TMEM126B: variants seen among roughly 807,000 people sequenced by gnomAD.
TMEM126B encodes complex I assembly factor TMEM126B, mitochondrial.
TMEM126B carries 19 observed loss-of-function variants against 16.5 expected under a neutral mutation model. The ratio of observed to expected loss-of-function variants is 1.15; its 90% CI spans 0.80 to 1.69. The LOEUF (loss-of-function observed/expected upper bound fraction) is 1.69. Ranked by LOEUF, TMEM126B falls within the 40% of genes most tolerant of loss-of-function variation. The probability of loss-of-function intolerance (pLI) is 0.00; values close to 1 mark genes in which losing one functional copy is unlikely to be tolerated. For missense variants in TMEM126B, 293 were observed against 278.7 expected, an observed-to-expected ratio of 1.05 and a Z score of -0.37; for synonymous variants, 104 against 93.2, an observed-to-expected ratio of 1.12 and a Z score of -0.67.
chr11:85,632,068 T>C (rs956194657), intron 2 of TMEM126B, among the ~76,000 whole-genome samples: 1 of 152,186 alleles, frequency 6.6e-6, no homozygotes, highest in Non-Finnish European at 1.5e-5. Context: ...GCTAAAACTT[T>C]TGTGCAGTAA....
intron 2 of TMEM126B, among the ~76,000 whole-genome samples, chr11:85,633,705 T>G (rs2082347807): frequency 6.6e-6 from 1 of 152,242 alleles, no homozygotes. Context: ...TTAGATGAAC[T>G]TAAGCAAAGT....
intron 4 of TMEM126B, 60 bp from the exon 5 acceptor site, chr11:85,635,986 C>A: frequency 6.8e-7 from 1 of 1,476,840 alleles, no homozygotes. Context: ...TAGGAGAAGT[C>A]AACAAACTTC....
intron 1 of TMEM126B, among the ~76,000 whole-genome samples, chr11:85,629,598 T>A (rs1476668299): frequency 6.6e-6 from 1 of 152,088 alleles, no homozygotes; most frequent in African/African-American, 2.4e-5. Flanking sequence ...TAGAAGATAT[T>A]GCCTGGAAGT....
chr11:85,634,244 C>T lies in TMEM126B; in HGVS notation c.362C>T (p.Thr121Ile). The part of the protein sequence containing the change: ...ATLPFLSTVV[T>I]DKLFVIDALY... ...CTTCCATTTTTGTCTACTGTTGTTA[C>T]TGACAAGCTTTTTGTAATTGATGCT... The change falls in exon 3 of 5, where the codon ACT becomes ATT. Residue 121 changes from threonine (T) to isoleucine (I), a missense_variant. Thr to Ile is a moderately conservative substitution (Grantham distance 89). Transcript: ENST00000358867. 1 of 1,613,478 alleles carries T rather than the reference C, an allele frequency of 6.2e-7. No individual in the cohort carries two copies.
At chr11:85,634,379 T>C (rs1650111197) in intron 3 of TMEM126B, 100 bp downstream of exon 3, 1 of 845,156 alleles carries the variant, frequency 1.2e-6, no homozygotes, top group Non-Finnish European at 1.8e-6. Context: ...TTTACATTTA[T>C]ATATTGCTAT....
intron 2 of TMEM126B, 63 bp from the exon 3 acceptor site, chr11:85,634,023 G>T: frequency 8.6e-7 from 1 of 1,165,130 alleles, no homozygotes. Flanking sequence ...CAACTTTTCA[G>T]GAGAGGCTGT....
At chr11:85,635,557 A>T in intron 3 of TMEM126B, 110 bp from the exon 4 acceptor site, 1 of 643,404 alleles carries the variant, frequency 1.6e-6, no homozygotes, top group Non-Finnish European at 2.6e-6. Flanking sequence ...TATTCTTTCT[A>T]TGGTTTAGTT....
At chr11:85,631,517 C>T (rs1017267899) in intron 1 of TMEM126B, among the ~76,000 whole-genome samples, 170 bp from the exon 2 acceptor site, 2 of 152,138 alleles carry the variant, frequency 1.3e-5, no homozygotes, top group African/African-American at 2.4e-5. Flanking sequence ...ATAATAAGAG[C>T]TCAGTAAATG....
chr11:85,635,821 C>CTTTTTTTTTTTT (rs58671332), intron 4 of TMEM126B, 43 bp downstream of exon 4: 25 of 869,678 alleles, frequency 2.9e-5, no homozygotes, highest in South Asian at 8.8e-5. Context: ...CTTTTCTTTT[C>CTTTTTTTTTTTT]TTTTTTTTTT....
At chr11:85,629,345 C>G (rs1591439781) in intron 1 of TMEM126B, 1 of 895,362 alleles carries the variant, frequency 1.1e-6, no homozygotes, top group South Asian at 1.4e-5. Flanking sequence ...AGATGATTTG[C>G]AAACTATAAA....
chr11:85,634,576 T>C (rs926649583), intron 3 of TMEM126B: 1 of 246,570 alleles, frequency 4.1e-6, no homozygotes, highest in East Asian at 1.1e-4. Context: ...TTCAGTATGC[T>C]ACCTCCTGCC....
chr11:85,633,435 C>G (rs1192076262), intron 2 of TMEM126B, among the ~76,000 whole-genome samples: 1 of 152,186 alleles, frequency 6.6e-6, no homozygotes, highest in Non-Finnish European at 1.5e-5. Flanking sequence ...TAAAAGTGTT[C>G]CTATTTCTCC....
In TMEM126B at chr11:85,636,142, C is replaced by CT; in HGVS notation, c.609dup (p.Gln204SerfsTer17). ...TGAAATTAATGGCGATTCCTCTAGT[C>CT]TTTCAGATTATGTTTGGAATATTAA... is the stretch of plus-strand genomic sequence containing the variant. On this transcript the variant is annotated frameshift_variant, in exon 5 of 5. Transcript: ENST00000358867. LOFTEE classifies it low-confidence loss of function (END_TRUNC). The CT allele has an allele frequency of 6.2e-7, 1 of 1,612,478 alleles. No homozygotes were observed. Among genetic ancestry groups the CT allele is most frequent in the South Asian group, 1.1e-5 (1 of 90,798 alleles).
At chr11:85,631,563 C>A (rs75822036) in intron 1 of TMEM126B, 124 bp from the exon 2 acceptor site, 8 of 1,106,738 alleles carry the variant, frequency 7.2e-6, no homozygotes, top group African/African-American at 1.6e-5. Flanking sequence ...TGAAAGCAGA[C>A]GACACAGTAC....
intron 4 of TMEM126B, 125 bp downstream of exon 4, chr11:85,635,903 T>G: frequency 1.8e-6 from 2 of 1,090,960 alleles, no homozygotes; most frequent in Non-Finnish European, 2.6e-6. Flanking sequence ...ATGTGGTAGT[T>G]TGGTATTTCA....
intron 3 of TMEM126B, 195 bp downstream of exon 3, chr11:85,634,474 G>A (rs969632720): frequency 2.0e-5 from 10 of 489,490 alleles, no homozygotes; most frequent in Admixed American, 1.2e-4. Flanking sequence ...TTTTATTTCT[G>A]TAGATAAGCA....
chr11:85,633,269 G>T (rs1191198311), intron 2 of TMEM126B, among the ~76,000 whole-genome samples: 1 of 150,660 alleles, frequency 6.6e-6, no homozygotes, highest in African/African-American at 2.4e-5. Flanking sequence ...ACATACGTGT[G>T]CATGTGTCTT....
At chr11:85,630,803 C>A (rs1325582341) in intron 1 of TMEM126B, among the ~76,000 whole-genome samples, 1 of 152,208 alleles carries the variant, frequency 6.6e-6, no homozygotes, top group Non-Finnish European at 1.5e-5. Context: ...GTGGCTCACG[C>A]CTTTAATCCC....
At chr11:85,628,883 C>T (rs2082160800) in intron 1 of TMEM126B, among the ~76,000 whole-genome samples, 195 bp downstream of exon 1, 1 of 152,170 alleles carries the variant, frequency 6.6e-6, no homozygotes, top group Non-Finnish European at 1.5e-5. Flanking sequence ...AAATTCTAGT[C>T]CTCATTATCT....
Sources: allele counts gnomAD v4.1 joint callset (sites outside exome capture counted in the v4.1 genomes callset), GRCh38; gene constraint gnomAD v4.1.1; transcripts MANE v1.5; gene names NCBI Gene and HGNC (gene_info 2026-07-23, HGNC 2026-07-21).